MAN2A1: variants seen among roughly 807,000 people sequenced by gnomAD.
MAN2A1 encodes the protein mannosidase alpha class 2A member 1.
Under a neutral mutation model 142.6 loss-of-function variants are expected in MAN2A1, and 76 were observed. The observed-to-expected ratio is 0.53, with a 90% CI of 0.44 to 0.65. The LOEUF (loss-of-function observed/expected upper bound fraction) is 0.65. MAN2A1 is among the 30% of genes least tolerant of loss of function. The pLI is 0.00. For synonymous variants in MAN2A1, 559 were observed against 473.2 expected (o/e 1.18, Z -2.35); for missense variants, 1,311 against 1,365.1 (o/e 0.96, Z 0.62).
chr5:109,816,783 A>G (rs1040811148), intron 12 of MAN2A1, among the ~76,000 whole-genome samples: 1 of 152,190 alleles, frequency 6.6e-6, no homozygotes. Flanking sequence ...TCTGGGGTAC[A>G]GAAAAGCTTT....
At chr5:109,795,178 C>T (rs1753828211) in intron 12 of MAN2A1, among the ~76,000 whole-genome samples, 1 of 152,042 alleles carries the variant, frequency 6.6e-6, no homozygotes, top group Admixed American at 6.6e-5. Flanking sequence ...TTTGCCATTC[C>T]AATTCAGTCA....
chr5:109,862,353 T>C (rs1456218623), intron 20 of MAN2A1: 2 of 152,210 alleles, frequency 1.3e-5, no homozygotes, highest in Non-Finnish European at 2.9e-5. Context: ...ATGAGCTGAA[T>C]GTTGGTTTTA....
intron 16 of MAN2A1, among the ~76,000 whole-genome samples, chr5:109,836,508 GT>G (rs1245575348): frequency 6.6e-6 from 1 of 152,124 alleles, no homozygotes; most frequent in African/African-American, 2.4e-5. Flanking sequence ...GATGCCTTTT[GT>G]TTTCTGTTCT....
At chr5:109,715,888 G>A (rs1301338668) in intron 2 of MAN2A1, among the ~76,000 whole-genome samples, 1 of 151,610 alleles carries the variant, frequency 6.6e-6, no homozygotes, top group African/African-American at 2.4e-5. Flanking sequence ...TTTTTTATTA[G>A]AAGCGGATGG....
chr5:109,828,081 G>A (rs1286119998), intron 16 of MAN2A1, among the ~76,000 whole-genome samples: 1 of 150,414 alleles, frequency 6.6e-6, no homozygotes, highest in Non-Finnish European at 1.5e-5. Context: ...CTCCAACCTG[G>A]GCAACAGAGC....
chr5:109,798,487 C>G (rs748792160), intron 12 of MAN2A1, among the ~76,000 whole-genome samples: 1 of 152,198 alleles, frequency 6.6e-6, no homozygotes, highest in South Asian at 2.1e-4. Context: ...TGAACCTGTT[C>G]TGTGGTCCCA....
Position 109,740,906 on chromosome 5 carries a change from C to CT in MAN2A1, c.707+11401dup, listed in dbSNP as rs556975709. Among the ~76,000 whole-genome samples the CT allele has an allele frequency of 5.1e-4, 78 of 152,068 alleles. 1 individual carries two copies. The highest frequency in any genetic ancestry group is 1.8e-3 in the African/African-American group (74 of 41,472). ...GGATGCAAATTTTCCTCCCCTCTCT[C>CT]TTTTTTTTATTCTGTTGGTTATTTT... On this transcript the variant is annotated intron_variant, in intron 4 of 21. Transcript: ENST00000261483.
intron 12 of MAN2A1, chr5:109,794,094 T>G (rs1248272248): frequency 6.6e-6 from 1 of 152,172 alleles, no homozygotes; most frequent in Non-Finnish European, 1.5e-5. Flanking sequence ...CGCAACCTTA[T>G]TTTTATTGTT....
intron 10 of MAN2A1, among the ~76,000 whole-genome samples, chr5:109,787,840 G>A (rs1197679798): frequency 6.6e-6 from 1 of 151,834 alleles, no homozygotes; most frequent in Non-Finnish European, 1.5e-5. Flanking sequence ...ACTTAATGCT[G>A]TCTAGGAAAA....
intron 8 of MAN2A1, among the ~76,000 whole-genome samples, chr5:109,780,580 T>C (rs1173296165): frequency 6.6e-6 from 1 of 152,008 alleles, no homozygotes; most frequent in Non-Finnish European, 1.5e-5. Context: ...AATCCGCATC[T>C]TTCTTTTAAA....
At chr5:109,859,556 T>C (rs1368356) in intron 20 of MAN2A1, among the ~76,000 whole-genome samples, 105,318 of 152,064 alleles carry the variant, frequency 0.69, 37,488 homozygotes, top group East Asian at 0.91. Flanking sequence ...TGATCACACC[T>C]TTCCCCTACA....
chr5:109,821,342 C>T (rs1413155373), intron 15 of MAN2A1, among the ~76,000 whole-genome samples: 7 of 152,048 alleles, frequency 4.6e-5, no homozygotes, highest in Admixed American at 4.6e-4. Flanking sequence ...CTTTTTCTCC[C>T]GATTCTTCAC....
intron 5 of MAN2A1, among the ~76,000 whole-genome samples, chr5:109,761,476 GT>G (rs1752842651): frequency 6.6e-6 from 1 of 151,944 alleles, no homozygotes; most frequent in South Asian, 2.1e-4. Flanking sequence ...ATACTGTATG[GT>G]TTTTCTCATG....
chr5:109,866,251 G>T (rs1395897646), intron 21 of MAN2A1, among the ~76,000 whole-genome samples: 1 of 144,154 alleles, frequency 6.9e-6, no homozygotes, highest in African/African-American at 2.5e-5. Context: ...AGTCATAAGG[G>T]GGTTATACGA....
chr5:109,816,672 A>AT (rs200119307), intron 12 of MAN2A1, among the ~76,000 whole-genome samples: 2,814 of 152,040 alleles, frequency 0.019, 34 homozygotes, highest in Middle Eastern at 0.072. Context: ...CAAATTGTGA[A>AT]TTTTTTTTAT....
chr5:109,807,285 T>C (rs1301688376), intron 12 of MAN2A1, among the ~76,000 whole-genome samples: 1 of 152,226 alleles, frequency 6.6e-6, no homozygotes, highest in Non-Finnish European at 1.5e-5. Flanking sequence ...CTTGGTGGTA[T>C]GAAACTGGAA....
Position 109,699,631 on chromosome 5 carries a change from G to A in MAN2A1, c.135+9079G>A, listed in dbSNP as rs372063589. 14 of 152,966 alleles carry A rather than the reference G, an allele frequency of 9.2e-5. 1 individual carries two copies. The highest frequency in any genetic ancestry group is 2.6e-4 in the Admixed American group (4 of 15,292). 9.5% of individuals were successfully genotyped at this position (152,966 alleles called of 1,614,324 possible). A position where few individuals can be genotyped will look rare whatever the true frequency, so the allele number is the denominator to read the frequency against. On this transcript the variant is annotated intron_variant, in intron 1 of 21. Coordinates refer to ENST00000261483, the MANE Select transcript of MAN2A1 (RefSeq NM_002372.4). Reference sequence around the variant, plus strand: ...CTCGTTTGGAGGTTCCAGCAGGGGAGTGCAGCTCCTTGTATACCCTTGACC... The same window carrying A: ...CTCGTTTGGAGGTTCCAGCAGGGGAATGCAGCTCCTTGTATACCCTTGACC...
At chr5:109,700,992 A>G (rs1284015793) in intron 1 of MAN2A1, among the ~76,000 whole-genome samples, 1 of 152,246 alleles carries the variant, frequency 6.6e-6, no homozygotes, top group Non-Finnish European at 1.5e-5. Flanking sequence ...ATTATTCATT[A>G]GAAGTTAAAG....
intron 12 of MAN2A1, among the ~76,000 whole-genome samples, chr5:109,807,676 G>T (rs181390214): frequency 7.9e-5 from 12 of 152,028 alleles, no homozygotes; most frequent in African/African-American, 2.9e-4. Context: ...AGACAGCCCC[G>T]AATGAGCTCC....
Sources: gnomAD v4.1 joint callset for allele counts (sites outside exome capture counted in the v4.1 genomes callset) on GRCh38, gnomAD v4.1.1 for gene constraint, MANE v1.5 for transcripts, NCBI Gene and HGNC (gene_info 2026-07-23, HGNC 2026-07-21) for gene names.